The following DMBX1 variants were observed in gnomAD, a reference collection of about 807,000 sequenced individuals.
DMBX1 encodes diencephalon/mesencephalon homeobox protein 1.
In DMBX1, 7 loss-of-function variants were observed where a neutral mutation model predicts 30.4. The observed-to-expected ratio is 0.23, with a 90% CI of 0.13 to 0.43. The LOEUF (loss-of-function observed/expected upper bound fraction) is 0.43, where lower values mean the gene tolerates loss of function less well. Among genes scored for constraint, DMBX1 ranks in the 20% least tolerant of loss-of-function variants. The pLI, the probability that DMBX1 is intolerant of heterozygous loss-of-function variation, is 1.00. For synonymous variants in DMBX1, 222 were observed against 214.2 expected (o/e 1.04, Z -0.32); for missense variants, 460 against 508.5 (o/e 0.90, Z 0.92).
At position 46,510,402 on chromosome 1, in the gene DMBX1, G is replaced by A. The variant is rs1467610952; in HGVS notation, c.155-74G>A. The A allele has an allele frequency of 6.5e-7, 1 of 1,536,392 alleles. No individual in the cohort carries two copies. Among genetic ancestry groups the A allele is most frequent in the Non-Finnish European group, 8.7e-7 (1 of 1,143,188 alleles). ...GGGTGTCCACAGTGGGTCAGAGCAG[G>A]ATAAGATTCAAAGCTATTTCCCATA... is the stretch of plus-strand genomic sequence containing the variant. On this transcript the variant is annotated intron_variant, in intron 3 of 5. Transcript: ENST00000360032. The surrounding 1 kb of genome is among the most constrained non-coding windows in gnomAD (Gnocchi z 4.1).
chr1:46,497,374 G>A (rs78520165), intron 2 of DMBX1, among the ~76,000 whole-genome samples: 3,287 of 152,284 alleles, frequency 0.022, 52 homozygotes, highest in Middle Eastern at 0.054. Flanking sequence ...ATGAGATGAT[G>A]TGTCTCACCA....
chr1:46,515,834 G>C lies in DMBX1; in HGVS notation c.*3340G>C, dbSNP rs780796746. On this transcript the variant is annotated 3_prime_UTR_variant, in exon 6 of 6. Transcript: ENST00000360032. ...AGCTCTGACTGTCCCTTCCAGGAAT[G>C]CCTCATGCCTGGCCTCTCCCTGCTG... is the stretch of plus-strand genomic sequence containing the variant. Among the ~76,000 whole-genome samples, 10 of 152,212 alleles carry C rather than the reference G, an allele frequency of 6.6e-5. No individual in the cohort carries two copies. Among genetic ancestry groups the C allele is most frequent in the African/African-American group, 9.6e-5 (4 of 41,458 alleles).
At chr1:46,508,930 C>T (rs1209450178) in intron 3 of DMBX1, among the ~76,000 whole-genome samples, 1 of 151,990 alleles carries the variant, frequency 6.6e-6, no homozygotes, top group African/African-American at 2.4e-5. Flanking sequence ...CTTCCCCTGC[C>T]CCAGGATGAC....
intron 2 of DMBX1, among the ~76,000 whole-genome samples, chr1:46,503,864 C>T (rs1441305751): frequency 6.6e-6 from 1 of 152,156 alleles, no homozygotes; most frequent in Non-Finnish European, 1.5e-5. Flanking sequence ...ACTCCAGATG[C>T]GGAGTCAATT....
At chr1:46,505,361 C>A (rs1156591971) in intron 2 of DMBX1, among the ~76,000 whole-genome samples, 1 of 143,104 alleles carries the variant, frequency 7.0e-6, no homozygotes, top group Non-Finnish European at 1.5e-5. Flanking sequence ...AAATGTCCAA[C>A]AATGATAGAC....
intron 2 of DMBX1, among the ~76,000 whole-genome samples, chr1:46,500,320 G>T (rs919375370): frequency 3.3e-5 from 5 of 151,536 alleles, no homozygotes; most frequent in African/African-American, 7.2e-5. Flanking sequence ...TGAGATCAGC[G>T]ATAATTAAGT....
chr1:46,512,016 C>G lies in DMBX1; in HGVS notation c.683-27C>G. 2 of 1,594,888 alleles carry G rather than the reference C, an allele frequency of 1.3e-6. No individual in the cohort carries two copies. Among genetic ancestry groups the G allele is most frequent in the Non-Finnish European group, 1.7e-6 (2 of 1,172,990 alleles). On this transcript the variant is annotated intron_variant, in intron 5 of 5. Coordinates refer to ENST00000360032, the MANE Select transcript of DMBX1 (RefSeq NM_172225.2). The surrounding 1 kb of genome is among the most constrained non-coding windows in gnomAD (Gnocchi z 4.8). ...CAGACCAATGCCCTTGTCCTGAGGG[C>G]TTTGTTCTTGGGTTCTCTGCTTGCA... is the stretch of plus-strand genomic sequence containing the variant.
intron 2 of DMBX1, among the ~76,000 whole-genome samples, chr1:46,494,839 C>T (rs1665999223): frequency 7.2e-6 from 1 of 139,054 alleles, no homozygotes; most frequent in Admixed American, 6.7e-5. Context: ...GATTATTTGA[C>T]CCCCCACAGC....
In DMBX1 at chr1:46,510,581, A is replaced by G. The variant is rs1666345320; in HGVS notation, c.260A>G (p.Lys87Arg). ...GAGGCCCTGGAAAAGACCTTCCAGA[A>G]GACTCACTACCCAGATGTGGTGATG... ...QLEALEKTFQ[K>R]THYPDVVMRE... The change falls in exon 4 of 6, where the codon AAG (lysine) becomes AGG (arginine). Residue 87 changes from lysine to arginine, a missense_variant. Transcript: ENST00000360032. This position sits in a 1 kb window ranked among gnomAD's most constrained non-coding sequence, Gnocchi z 4.1. The G allele has an allele frequency of 6.2e-7, 1 of 1,614,058 alleles. No individual in the cohort carries two copies. The highest frequency in any genetic ancestry group is 1.1e-5 in the South Asian group (1 of 91,086).
In DMBX1 at chr1:46,507,032, G is replaced by C. The variant is rs150745846; in HGVS notation, c.22G>C (p.Gly8Arg). Reference sequence around the variant, plus strand: ...CGCCATGCAGCACTACGGGGTGAACGGCTACTCACTGCACGCCATGAACTC... The same window carrying C: ...CGCCATGCAGCACTACGGGGTGAACCGCTACTCACTGCACGCCATGAACTC... MQHYGVNGYSLHAMNSLS... is the reference protein window; with the variant it reads MQHYGVNRYSLHAMNSLS... Residue 8 changes from glycine (G) to arginine (R), a missense_variant, in exon 3 of 6, where the codon GGC becomes CGC. Around this residue, in one of 3 missense-constraint regions of DMBX1, gnomAD observed 124 missense variants for 144.0 expected, o/e 0.86. Transcript: ENST00000360032. 1 of 1,614,078 alleles carries C rather than the reference G, an allele frequency of 6.2e-7. No homozygotes were observed. Among genetic ancestry groups the C allele is most frequent in the African/African-American group, 1.3e-5 (1 of 74,940 alleles).
chr1:46,503,962 G>A (rs1300966385), intron 2 of DMBX1, among the ~76,000 whole-genome samples: 4 of 152,246 alleles, frequency 2.6e-5, no homozygotes, highest in Non-Finnish European at 5.9e-5. Context: ...AGCCGTCTCA[G>A]TAGGATGGAT....
chr1:46,501,244 TTC>T (rs1287910865), intron 2 of DMBX1, among the ~76,000 whole-genome samples: 1 of 135,592 alleles, frequency 7.4e-6, no homozygotes, highest in African/African-American at 2.9e-5. Flanking sequence ...CTTTCTTTCT[TTC>T]TTTCTTTCTT....
chr1:46,489,981 G>T (rs1188395755), intron 1 of DMBX1, among the ~76,000 whole-genome samples, 104 bp downstream of exon 1: 1 of 152,164 alleles, frequency 6.6e-6, no homozygotes, highest in Non-Finnish European at 1.5e-5. Context: ...CCCCTCTTGC[G>T]GTCCTGCAGT....
chr1:46,498,451 ATCTC>A (rs934157050), intron 2 of DMBX1, among the ~76,000 whole-genome samples: 23 of 151,874 alleles, frequency 1.5e-4, no homozygotes, highest in Admixed American at 1.2e-3. Context: ...TTCTGTGTTG[ATCTC>A]TCTCCTTGCT....
At chr1:46,504,990 C>A (rs1666204308) in intron 2 of DMBX1, among the ~76,000 whole-genome samples, 1 of 151,960 alleles carries the variant, frequency 6.6e-6, no homozygotes, top group South Asian at 2.1e-4. Flanking sequence ...CCAAAAAACA[C>A]ATGAAAAAAT....
Position 46,511,336 on chromosome 1 carries a change from G to A in DMBX1, c.682+53G>A, listed in dbSNP as rs41294766. 24,047 of 1,459,360 alleles carry A rather than the reference G, an allele frequency of 0.016. 1,363 individuals are homozygous for A. The East Asian group carries it at 0.2, about 12-fold the overall frequency. 90.4% of individuals were successfully genotyped at this position (1,459,360 alleles called of 1,614,324 possible). The stretch of plus-strand genomic sequence containing the variant: ...GCTGGGGTCTGGGGGCCCTGAGCGT[G>A]TGAAGCAAGTCAGAGGCGAGTAATC... On this transcript the variant is annotated intron_variant, in intron 5 of 5. Transcript: ENST00000360032.
In DMBX1 at chr1:46,515,223, A is replaced by G. The variant is rs1444953031; in HGVS notation, c.*2729A>G. Reference sequence around the variant, plus strand: ...GGATTTTGTGGCCAATAGCCCATCAACTGTCCTCTGGGATTAGCCCCAGGA... The same window carrying G: ...GGATTTTGTGGCCAATAGCCCATCAGCTGTCCTCTGGGATTAGCCCCAGGA... On this transcript the variant is annotated 3_prime_UTR_variant, in exon 6 of 6. Coordinates refer to ENST00000360032, the MANE Select transcript of DMBX1 (RefSeq NM_172225.2). Among the ~76,000 whole-genome samples, 2 of 152,198 alleles carry G rather than the reference A, an allele frequency of 1.3e-5. No individual in the cohort carries two copies. The highest frequency in any genetic ancestry group is 4.8e-5 in the African/African-American group (2 of 41,452).
Position 46,490,105 on chromosome 1 carries a change from A to G in DMBX1, c.-153+228A>G, listed in dbSNP as rs568566512. Among the ~76,000 whole-genome samples, 9 of 152,354 alleles carry G rather than the reference A, an allele frequency of 5.9e-5. No homozygotes were observed. In the South Asian group the frequency reaches 1.9e-3, roughly 32 times the overall value. ...ATGCCAGAAAGACCGAGTCGGGGAC[A>G]GACAGAGAGACCCAGGGTGAGACAG... On this transcript the variant is annotated intron_variant, in intron 1 of 5. Coordinates refer to ENST00000360032, the MANE Select transcript of DMBX1 (RefSeq NM_172225.2).
chr1:46,492,091 CCAGACCCCGAA>C (rs1468383713), intron 2 of DMBX1, among the ~76,000 whole-genome samples: 29 of 152,306 alleles, frequency 1.9e-4, no homozygotes, highest in African/African-American at 6.5e-4. Context: ...ATCTGTCAGC[CCAGACCCCGAA>C]TGGAATGCAG....
Sources: gnomAD v4.1 joint callset for allele counts (sites outside exome capture counted in the v4.1 genomes callset) on GRCh38, gnomAD v4.1.1 for gene constraint, gnomAD v4.1.1 regional missense constraint, Gnocchi (gnomAD v3.1) non-coding constraint, MANE v1.5 for transcripts, NCBI Gene and HGNC (gene_info 2026-07-23, HGNC 2026-07-21) for gene names.